The following LGI2 variants were observed in gnomAD, a reference collection of about 807,000 sequenced individuals.
LGI2 encodes leucine rich repeat LGI family member 2, also known as leucine-rich repeat LGI family member 2.
Under a neutral mutation model 52.0 loss-of-function variants are expected in LGI2, and 30 were observed. That is an observed-to-expected ratio of 0.58 (90% confidence interval 0.43 to 0.78). The LOEUF (loss-of-function observed/expected upper bound fraction) is 0.78, where lower values mean the gene tolerates loss of function less well. LGI2 is among the 30% of genes least tolerant of loss of function. The pLI, the probability that LGI2 is intolerant of heterozygous loss-of-function variation, is 0.00. For missense variants in LGI2, 573 were observed against 692.5 expected (o/e 0.83, Z 1.94); for synonymous variants, 270 against 271.8 (o/e 0.99, Z 0.06).
At position 25,006,988 on chromosome 4, in the gene LGI2, A is replaced by T. The variant is rs1725409314; in HGVS notation, c.821-2720T>A. On this transcript the variant is annotated intron_variant, in intron 7 of 7. Coordinates refer to ENST00000382114, the MANE Select transcript of LGI2 (RefSeq NM_018176.4). ...ATATTATTTAATTTTTAATCTGTGC[A>T]CATATTCAAGTATTCTTTTTTTAAA... Among the ~76,000 whole-genome samples the T allele has an allele frequency of 2.0e-5, 3 of 151,568 alleles. No homozygotes were observed. In the South Asian group the frequency reaches 6.2e-4, roughly 31 times the overall value.
Position 25,004,128 on chromosome 4 carries a change from A to G in LGI2, c.961T>C (p.Ser321Pro). 6.2e-7 allele frequency: 1 copy of G among 1,614,190 alleles called. No individual in the cohort carries two copies. The highest frequency in any genetic ancestry group is 8.5e-7 in the Non-Finnish European group (1 of 1,180,034). ...ATGTCATTGGGCTTGGAAATGCGAG[A>G]GACCTCTATGTCTTGGAATTTGACA... is the stretch of plus-strand genomic sequence containing the variant. Reference protein sequence around the residue: ...KFVKFQDIEVSRISKPNDIEL... With the variant: ...KFVKFQDIEVPRISKPNDIEL... Residue 321 changes from serine (S) to proline (P), a missense_variant, in exon 8 of 8, where the codon TCT becomes CCT. Transcript: ENST00000382114. The surrounding 1 kb of genome is among the most constrained non-coding windows in gnomAD (Gnocchi z 4.6).
At chr4:25,012,303 G>A in intron 7 of LGI2, 32 bp downstream of exon 7, 1 of 1,611,492 alleles carries the variant, frequency 6.2e-7, no homozygotes, top group South Asian at 1.1e-5. Flanking sequence ...GCTGAAATTA[G>A]TTCAACACAT....
chr4:25,005,813 C>T (rs1484573311), intron 7 of LGI2, among the ~76,000 whole-genome samples: 1 of 152,122 alleles, frequency 6.6e-6, no homozygotes, highest in African/African-American at 2.4e-5. Flanking sequence ...ATGACACAGA[C>T]CAGGTGGCCT....
Position 25,001,917 on chromosome 4 carries a change from T to C in LGI2, c.*1534A>G, listed in dbSNP as rs1332537689. The C allele has an allele frequency of 6.6e-6, 1 of 152,224 alleles. No homozygotes were observed. Among genetic ancestry groups the C allele is most frequent in the Non-Finnish European group, 1.5e-5 (1 of 68,040 alleles). The allele number at this position is 152,224 out of a possible 1,614,324, so 9.4% of individuals were successfully genotyped here. A position where few individuals can be genotyped will look rare whatever the true frequency, so the allele number is the denominator to read the frequency against. On this transcript the variant is annotated 3_prime_UTR_variant, in exon 8 of 8. Transcript: ENST00000382114. The stretch of plus-strand genomic sequence containing the variant: ...ATAACAATACAGTACAATATGATCG[T>C]GCTACTTTCATGGCTAGGAATGAAG...
intron 7 of LGI2, among the ~76,000 whole-genome samples, chr4:25,007,255 A>AC (rs36015343): frequency 0.27 from 41,630 of 152,166 alleles, 6,304 homozygotes; most frequent in Middle Eastern, 0.43. Context: ...TTGTTAAATA[A>AC]CGTTTTGATA....
At chr4:25,029,415 A>G (rs1461583243) in intron 1 of LGI2, among the ~76,000 whole-genome samples, 1 of 152,104 alleles carries the variant, frequency 6.6e-6, no homozygotes, top group Admixed American at 6.5e-5. Context: ...GGCCCCTACA[A>G]TTTGCCTTGG....
In LGI2 at chr4:25,003,414, T is replaced by G; in HGVS notation, c.*37A>C. The stretch of plus-strand genomic sequence containing the variant: ...TTTCTTGGTCCTCTTTTGTGAGAGC[T>G]AATGCTACATTTCTCTTAGTTTCAC... On this transcript the variant is annotated 3_prime_UTR_variant, in exon 8 of 8. Transcript: ENST00000382114. 7.1e-7 allele frequency: 1 copy of G among 1,400,430 alleles called. No homozygotes were observed. 86.8% of individuals were successfully genotyped at this position (1,400,430 alleles called of 1,614,324 possible).
chr4:25,022,191 C>T (rs1321773112), intron 4 of LGI2, among the ~76,000 whole-genome samples: 3 of 152,102 alleles, frequency 2.0e-5, no homozygotes, highest in South Asian at 4.1e-4. Context: ...CCACTGTAGA[C>T]AGTAAAGTGC....
At chr4:25,024,775 T>TA in intron 4 of LGI2, 45 bp downstream of exon 4, 2 of 1,321,898 alleles carry the variant, frequency 1.5e-6, no homozygotes. Context: ...AAACCAATCT[T>TA]ACTCCACATA....
chr4:25,009,620 G>A (rs1725511329), intron 7 of LGI2, among the ~76,000 whole-genome samples: 1 of 152,010 alleles, frequency 6.6e-6, no homozygotes, highest in South Asian at 2.1e-4. Flanking sequence ...GAACTCCTGA[G>A]GGCAGAGGTT....
At chr4:25,008,896 C>T (rs2109408399) in intron 7 of LGI2, among the ~76,000 whole-genome samples, 1 of 152,330 alleles carries the variant, frequency 6.6e-6, no homozygotes, top group East Asian at 1.9e-4. Context: ...GGCTCTGGCC[C>T]CAGCCACACC....
At chr4:25,024,787 T>C (rs1320780191) in intron 4 of LGI2, 33 bp downstream of exon 4, 7 of 1,460,268 alleles carry the variant, frequency 4.8e-6, no homozygotes, top group Admixed American at 4.1e-5. Flanking sequence ...CTCCACATAT[T>C]AGAGGACTTA....
At chr4:24,994,919 A>T (rs1435041773), downstream of LGI2, among the ~76,000 whole-genome samples, 1 of 152,150 alleles carries the variant, frequency 6.6e-6, no homozygotes, top group Non-Finnish European at 1.5e-5. Context: ...AGGAGACCTT[A>T]TTGTCACTAA....
In LGI2 at chr4:25,030,890, C is replaced by A. The variant is rs961754887; in HGVS notation, c.-197G>T. ...CCGCCACCCCCACTCGGCGCCCCCC[C>A]ACCCGAGCCCGGGCTGCTGGGCGGC... On this transcript the variant is annotated 5_prime_UTR_variant, in exon 1 of 8. Transcript: ENST00000382114. The A allele has an allele frequency of 5.7e-4, 100 of 175,992 alleles. No homozygotes were observed. Among genetic ancestry groups the A allele is most frequent in the Admixed American group, 2.3e-3 (36 of 15,454 alleles). The allele number at this position is 175,992 out of a possible 1,614,324, so 10.9% of individuals were successfully genotyped here.
chr4:25,014,853 A>AAGAG (rs1367903768), intron 6 of LGI2, among the ~76,000 whole-genome samples: 2 of 99,782 alleles, frequency 2.0e-5, no homozygotes, highest in African/African-American at 4.5e-5. Context: ...AAAAAAAAAA[A>AAGAG]AGAGAGAGAG....
chr4:25,009,628 GT>G (rs901216460), intron 7 of LGI2, among the ~76,000 whole-genome samples: 8 of 152,002 alleles, frequency 5.3e-5, no homozygotes, highest in African/African-American at 1.4e-4. Flanking sequence ...GAGGGCAGAG[GT>G]TTTTTTGTTT....
rs1474510147 is a variant in LGI2 at position 25,002,655 on chromosome 4, G to T, written c.*796C>A. 3 of 152,636 alleles carry T rather than the reference G, an allele frequency of 2.0e-5. No individual in the cohort carries two copies. Among genetic ancestry groups the T allele is most frequent in the Non-Finnish European group, 4.4e-5 (3 of 68,060 alleles). The allele number at this position is 152,636 out of a possible 1,614,324, so 9.5% of individuals were successfully genotyped here. A position where few individuals can be genotyped will look rare whatever the true frequency, so the allele number is the denominator to read the frequency against. On this transcript the variant is annotated 3_prime_UTR_variant, in exon 8 of 8. Transcript: ENST00000382114. Reference sequence around the variant, plus strand: ...CTGGTTACCCACAAACTCAACGGGTGGGTTCTGAGAAGCAGATGAGCCATG... The same window carrying T: ...CTGGTTACCCACAAACTCAACGGGTTGGTTCTGAGAAGCAGATGAGCCATG...
chr4:25,025,650 T>G (rs73804972), intron 3 of LGI2, among the ~76,000 whole-genome samples: 1,587 of 152,330 alleles, frequency 0.01, 26 homozygotes, highest in African/African-American at 0.036. Flanking sequence ...GAGAACTAAA[T>G]TTTAGTTACA....
downstream of LGI2, among the ~76,000 whole-genome samples, chr4:24,998,036 C>G (rs1725134421): frequency 6.6e-6 from 1 of 152,154 alleles, no homozygotes; most frequent in African/African-American, 2.4e-5. Context: ...TGCCACCACA[C>G]CCAGCTATTT....
Sources: gnomAD v4.1 joint callset for allele counts (sites outside exome capture counted in the v4.1 genomes callset) on GRCh38, gnomAD v4.1.1 for gene constraint, Gnocchi (gnomAD v3.1) non-coding constraint, MANE v1.5 for transcripts, NCBI Gene and HGNC (gene_info 2026-07-23, HGNC 2026-07-21) for gene names.